MYH13: variants seen among roughly 807,000 people sequenced by gnomAD.
MYH13 encodes the protein myosin heavy chain 13.
In MYH13, 177 loss-of-function variants were observed where a neutral mutation model predicts 232.1. The ratio of observed to expected loss-of-function variants is 0.76; its 90% CI spans 0.67 to 0.86. The LOEUF (loss-of-function observed/expected upper bound fraction) is 0.86. MYH13 is among the 40% of genes least tolerant of loss of function. The pLI is 0.00. For missense variants in MYH13, 2,246 were observed against 2,405.9 expected, an observed-to-expected ratio of 0.93 and a Z score of 1.39; for synonymous variants, 884 against 923.5, an observed-to-expected ratio of 0.96 and a Z score of 0.78.
chr17:10,309,181 G>C (rs1906398006), intron 35 of MYH13, 53 bp downstream of exon 35: 1 of 1,555,014 alleles, frequency 6.4e-7, no homozygotes, highest in South Asian at 1.2e-5. Context: ...CGGTGCAGGA[G>C]GCGCTATCTG....
chr17:10,300,928 T>C lies in MYH13; in HGVS notation c.*23A>G. 6.2e-7 allele frequency: 1 copy of C among 1,611,978 alleles called. No individual in the cohort carries two copies. The highest frequency in any genetic ancestry group is 8.5e-7 in the Non-Finnish European group (1 of 1,178,720). On this transcript the variant is annotated 3_prime_UTR_variant, in exon 41 of 41. Transcript: ENST00000252172. Reference sequence around the variant, plus strand: ...CCTCCACTCTCTCGGAGGTGTCCCATGGCAACGAGCATCAGGTGAGCCTCA... The same window carrying C: ...CCTCCACTCTCTCGGAGGTGTCCCACGGCAACGAGCATCAGGTGAGCCTCA...
chr17:10,316,348 C>T (rs565130226), intron 27 of MYH13, among the ~76,000 whole-genome samples: 1 of 152,222 alleles, frequency 6.6e-6, no homozygotes, highest in Non-Finnish European at 1.5e-5. Context: ...GTAATCCCAG[C>T]TACTCGGGAG....
chr17:10,358,925 G>A (rs2071769941), intron 7 of MYH13, among the ~76,000 whole-genome samples: 1 of 152,214 alleles, frequency 6.6e-6, no homozygotes, highest in African/African-American at 2.4e-5. Context: ...TTCTCCAGAG[G>A]AGGATGTGGA....
chr17:10,340,217 C>A lies in MYH13; in HGVS notation c.1989G>T (p.Met663Ile), dbSNP rs1228479657. The A allele has an allele frequency of 5.6e-6, 9 of 1,613,878 alleles. No homozygotes were observed. The highest frequency in any genetic ancestry group is 1.1e-5 in the South Asian group (1 of 91,054). ...AVFRENLNKL[M>I]TNLRSTHPHF... ...GAGGGTGGGTGCTCCTTAAGTTAGT[C>A]ATCAATTTGTTTAAATTTTCCTGGG... Residue 663 changes from methionine to isoleucine, a missense_variant, in exon 18 of 41, where the codon ATG becomes ATT. By Grantham distance (10) the Met-to-Ile change is conservative (BLOSUM62 1). Transcript: ENST00000252172.
At chr17:10,324,897 C>G (rs934418805) in intron 22 of MYH13, 6 of 151,720 alleles carry the variant, frequency 4.0e-5, no homozygotes, top group African/African-American at 1.5e-4. Flanking sequence ...GAGTGTAGCC[C>G]ACTGCATCCT....
intron 23 of MYH13, among the ~76,000 whole-genome samples, chr17:10,322,886 G>A (rs1403460923): frequency 6.6e-6 from 1 of 152,014 alleles, no homozygotes; most frequent in Non-Finnish European, 1.5e-5. Flanking sequence ...GCCCACCTTG[G>A]CCTCCCAAAG....
chr17:10,352,939 G>A (rs772832260), intron 11 of MYH13, among the ~76,000 whole-genome samples: 48 of 152,094 alleles, frequency 3.2e-4, no homozygotes, highest in Non-Finnish European at 5.1e-4. Context: ...GTCTCAGCCA[G>A]TCACAGCAGC....
chr17:10,329,427 C>T (rs1907336192), intron 21 of MYH13, among the ~76,000 whole-genome samples: 1 of 152,242 alleles, frequency 6.6e-6, no homozygotes, highest in South Asian at 2.1e-4. Flanking sequence ...CTTACTTGGA[C>T]TTCTACCACA....
chr17:10,321,572 A>G lies in MYH13; in HGVS notation c.3071T>C (p.Leu1024Pro). 6.2e-7 allele frequency: 1 copy of G among 1,613,800 alleles called. No individual in the cohort carries two copies. Among genetic ancestry groups the G allele is most frequent in the Non-Finnish European group, 8.5e-7 (1 of 1,179,820 alleles). ...LQVEEDKVNG[L>P]IKINAKLEQQ... ...TTCAAGCTTGGCATTTATTTTGATTAGACCATTGACTTTATCTTCTTCCAC... is the reference window on the plus strand; with the variant it reads ...TTCAAGCTTGGCATTTATTTTGATTGGACCATTGACTTTATCTTCTTCCAC... The change falls in exon 24 of 41, where the codon CTA (leucine) becomes CCA (proline). Residue 1024 changes from leucine (L) to proline (P), a missense_variant. Physicochemically the swap from Leu to Pro is moderately conservative, Grantham distance 98. Transcript: ENST00000252172.
rs1567655860 is a variant in MYH13, at chr17:10,309,574, CG to C, written c.4912del (p.Arg1638AlafsTer28). ...EMEIQLGHSN[R>X]QMAETQKHLR... ...ATGCTTCTGGGTCTCTGCCATCTGG[CG>C]GTTGGAGTGGCCCAGCTGAATCTCC... On this transcript the variant is annotated frameshift_variant, in exon 34 of 41. Transcript: ENST00000252172. LOFTEE classifies it high-confidence loss of function. 4 of 1,613,010 alleles carry C rather than the reference CG, an allele frequency of 2.5e-6. No homozygotes were observed. The African/African-American group carries it at 4.0e-5, about 16-fold the overall frequency.
At chr17:10,326,667 C>T (rs1027406932) in intron 22 of MYH13, among the ~76,000 whole-genome samples, 5 of 151,014 alleles carry the variant, frequency 3.3e-5, no homozygotes, top group African/African-American at 9.7e-5. Flanking sequence ...TTAGTAGAGA[C>T]GGAGTTTCAC....
At position 10,306,970 on chromosome 17, in the gene MYH13, G is replaced by A. The variant is rs1270182823; in HGVS notation, c.5264C>T (p.Ala1755Val). The A allele has an allele frequency of 1.2e-6, 2 of 1,613,960 alleles. No homozygotes were observed. Among genetic ancestry groups the A allele is most frequent in the South Asian group, 1.1e-5 (1 of 91,082 alleles). ...GATGGCCTTCTTGGCCTTCTCCTCT[G>A]CGTTCCTGGACTCCTGGATCGAGTT... The part of the protein sequence containing the change: ...VENSIQESRN[A>V]EEKAKKAITD... The change falls in exon 36 of 41, where the codon GCA (alanine) becomes GTA (valine). Residue 1755 changes from alanine (A) to valine (V), a missense_variant. Transcript: ENST00000252172. The surrounding 1 kb of genome is among the most constrained non-coding windows in gnomAD (Gnocchi z 4.3).
chr17:10,366,281 C>A (rs1364511560), intron 2 of MYH13, among the ~76,000 whole-genome samples: 1 of 151,944 alleles, frequency 6.6e-6, no homozygotes, highest in Non-Finnish European at 1.5e-5. Flanking sequence ...TCTTTTCCTT[C>A]CCACTTAATT....
chr17:10,366,505 T>A (rs2071839432), intron 2 of MYH13, among the ~76,000 whole-genome samples: 1 of 151,238 alleles, frequency 6.6e-6, no homozygotes, highest in African/African-American at 2.4e-5. Flanking sequence ...CTCAGTCTCT[T>A]GAGTAGTTGG....
intron 27 of MYH13, chr17:10,317,648 C>T (rs1034217308): frequency 6.6e-6 from 1 of 152,264 alleles, no homozygotes; most frequent in Non-Finnish European, 1.5e-5. Context: ...AGCACACATG[C>T]TCCACGAGGA....
chr17:10,336,074 TG>T (rs1156418541), intron 18 of MYH13, among the ~76,000 whole-genome samples: 1 of 152,024 alleles, frequency 6.6e-6, no homozygotes, highest in African/African-American at 2.4e-5. Context: ...GGCGGGGCAC[TG>T]GGGGAGACTG....
At chr17:10,345,147 GAAGGGGAGGGCCCCCAAT>G (rs1597385315) in intron 15 of MYH13, 37 bp downstream of exon 15, 74 of 1,613,752 alleles carry the variant, frequency 4.6e-5, no homozygotes, top group Non-Finnish European at 5.9e-5. Context: ...ATCAGAGCAA[GAAGGGGAGGGCCCCCAAT>G]AAGGAGGAGC....
intron 35 of MYH13, among the ~76,000 whole-genome samples, chr17:10,308,345 A>T (rs1401850979): frequency 6.8e-6 from 1 of 146,334 alleles, no homozygotes; most frequent in African/African-American, 2.5e-5. Context: ...AAAAAAAAAG[A>T]TGTCAAAATA....
Position 10,332,083 on chromosome 17 carries a change from C to T in MYH13, c.2298+16G>A. On this transcript the variant is annotated intron_variant, in intron 20 of 40. Coordinates refer to ENST00000252172, the MANE Select transcript of MYH13 (RefSeq NM_003802.3). ...TGTGGGGTTACTAGGGGAGTCCCAG[C>T]CTTGCCTGTGCTCACCTTGGTGTTG... 2 of 1,613,498 alleles carry T rather than the reference C, an allele frequency of 1.2e-6. No homozygotes were observed. The highest frequency in any genetic ancestry group is 4.5e-5 in the East Asian group (2 of 44,862).
Sources: allele counts gnomAD v4.1 joint callset (sites outside exome capture counted in the v4.1 genomes callset), GRCh38; gene constraint gnomAD v4.1.1; non-coding constraint Gnocchi (gnomAD v3.1); transcripts MANE v1.5; gene names NCBI Gene and HGNC (gene_info 2026-07-23, HGNC 2026-07-21).